Variants in GRIK1 observed in about 807,000 individuals in gnomAD.
The protein encoded by GRIK1 is glutamate receptor ionotropic, kainate 1.
In GRIK1, 69 loss-of-function variants were observed where a neutral mutation model predicts 105.7. That is an observed-to-expected ratio of 0.65 (90% CI 0.54 to 0.80). GRIK1 has a LOEUF of 0.80. Among genes scored for constraint, GRIK1 ranks in the 30% least tolerant of loss-of-function variants. GRIK1 has a pLI of 0.00. For missense variants in GRIK1, 1,109 were observed against 1,167.3 expected (o/e 0.95, Z 0.73); for synonymous variants, 438 against 431.3 (o/e 1.02, Z -0.19).
At chr21:29,886,128 A>G (rs1025480403) in intron 1 of GRIK1, among the ~76,000 whole-genome samples, 4 of 152,152 alleles carry the variant, frequency 2.6e-5, no homozygotes, top group Non-Finnish European at 5.9e-5. Context: ...CAAGAGTCAA[A>G]TGGATGCTGG....
chr21:29,623,117 C>G (rs1400775593), intron 7 of GRIK1, among the ~76,000 whole-genome samples: 1 of 152,148 alleles, frequency 6.6e-6, no homozygotes, highest in East Asian at 1.9e-4. Flanking sequence ...GTTTAATGGT[C>G]TCGCAGTTCC....
chr21:29,555,182 T>C lies in GRIK1; in HGVS notation c.2477A>G (p.Glu826Gly). The C allele has an allele frequency of 6.2e-7, 1 of 1,613,978 alleles. No individual in the cohort carries two copies. The highest frequency in any genetic ancestry group is 8.5e-7 in the Non-Finnish European group (1 of 1,179,930). Residue 826 changes from glutamate to glycine, a missense_variant, in exon 16 of 18, where the codon GAA (glutamate) becomes GGA (glycine). Coordinates refer to ENST00000327783, the MANE Select transcript of GRIK1 (RefSeq NM_001330994.2). ...ATTTTCCACTCCCAGGGCACTGGCT[T>C]CTTTGTTGTCTTCCTCGGGGCAGCC... ...GNGCPEEDNKEASALGVENIG... is the reference protein window; with the variant it reads ...GNGCPEEDNKGASALGVENIG...
At chr21:29,810,112 A>G (rs2066971723) in intron 1 of GRIK1, among the ~76,000 whole-genome samples, 1 of 152,100 alleles carries the variant, frequency 6.6e-6, no homozygotes, top group African/African-American at 2.4e-5. Context: ...AGTATTGCCA[A>G]CATGGTGAAA....
intron 9 of GRIK1, among the ~76,000 whole-genome samples, chr21:29,592,962 G>A (rs1443404446): frequency 6.6e-6 from 1 of 152,148 alleles, no homozygotes; most frequent in Non-Finnish European, 1.5e-5. Flanking sequence ...AAGACAGACA[G>A]GAGTGTTAGG....
chr21:29,772,291 C>T (rs1311353884), intron 1 of GRIK1, among the ~76,000 whole-genome samples: 2 of 152,118 alleles, frequency 1.3e-5, no homozygotes, highest in Non-Finnish European at 2.9e-5. Flanking sequence ...GAAGTGTTTG[C>T]TGCCCTTTTT....
At chr21:29,855,313 A>C (rs1256968788) in intron 1 of GRIK1, among the ~76,000 whole-genome samples, 1 of 152,238 alleles carries the variant, frequency 6.6e-6, no homozygotes, top group Non-Finnish European at 1.5e-5. Flanking sequence ...GTCTATAGAG[A>C]CAATTAAAAT....
intron 1 of GRIK1, among the ~76,000 whole-genome samples, chr21:29,794,765 A>C (rs1372799221): frequency 6.6e-6 from 1 of 152,172 alleles, no homozygotes; most frequent in Non-Finnish European, 1.5e-5. Flanking sequence ...GGAAATAGAA[A>C]TATGTCTCTG....
chr21:29,585,688 C>G (rs1031366234), intron 12 of GRIK1, among the ~76,000 whole-genome samples: 6 of 152,136 alleles, frequency 3.9e-5, no homozygotes, highest in African/African-American at 1.4e-4. Flanking sequence ...AGGTATGCAA[C>G]AAGTAAACAC....
At chr21:29,588,805 T>A (rs2061286954) in intron 11 of GRIK1, 34 bp downstream of exon 11, 9 of 1,102,012 alleles carry the variant, frequency 8.2e-6, no homozygotes, top group Non-Finnish European at 1.1e-5. Flanking sequence ...CTCTTATGCA[T>A]ATTTTCAGAT....
chr21:29,648,415 T>C (rs1455193428), intron 6 of GRIK1, among the ~76,000 whole-genome samples: 1 of 152,228 alleles, frequency 6.6e-6, no homozygotes, highest in African/African-American at 2.4e-5. Context: ...ATATATCTTG[T>C]TTATAGGAAC....
At chr21:29,762,727 C>T (rs1436737143) in intron 1 of GRIK1, among the ~76,000 whole-genome samples, 1 of 150,858 alleles carries the variant, frequency 6.6e-6, no homozygotes, top group African/African-American at 2.5e-5. Context: ...AAATTGGGAG[C>T]CTCTACAAAG....
chr21:29,650,167 C>T (rs945188475), intron 6 of GRIK1, among the ~76,000 whole-genome samples: 1 of 152,156 alleles, frequency 6.6e-6, no homozygotes, highest in African/African-American at 2.4e-5. Context: ...AACATAGAAT[C>T]ATCCAGAACC....
intron 1 of GRIK1, among the ~76,000 whole-genome samples, chr21:29,708,535 C>G (rs545085165): frequency 6.6e-6 from 1 of 152,190 alleles, no homozygotes; most frequent in Non-Finnish European, 1.5e-5. Flanking sequence ...GGAATACATG[C>G]GTGGATTGTA....
chr21:29,550,065 G>A (rs1427876947), intron 16 of GRIK1, among the ~76,000 whole-genome samples: 5 of 133,592 alleles, frequency 3.7e-5, no homozygotes, highest in African/African-American at 1.4e-4. Flanking sequence ...CCAAGATGGC[G>A]TGACTGCACT....
chr21:29,617,662 A>C (rs1215637466), intron 7 of GRIK1, among the ~76,000 whole-genome samples: 1 of 152,230 alleles, frequency 6.6e-6, no homozygotes, highest in Non-Finnish European at 1.5e-5. Flanking sequence ...ATTCATTAGC[A>C]TAGGGAATAG....
At chr21:29,918,320 T>C (rs1237557864) in intron 1 of GRIK1, among the ~76,000 whole-genome samples, 1 of 152,110 alleles carries the variant, frequency 6.6e-6, no homozygotes, top group East Asian at 1.9e-4. Flanking sequence ...ACTAATCGCT[T>C]TTCATATACA....
At chr21:29,932,988 A>G (rs2071625036) in intron 1 of GRIK1, among the ~76,000 whole-genome samples, 1 of 151,978 alleles carries the variant, frequency 6.6e-6, no homozygotes. Flanking sequence ...AAAATGGTAA[A>G]CCTTTAGAAT....
intron 1 of GRIK1, among the ~76,000 whole-genome samples, chr21:29,825,837 T>C (rs73360370): frequency 0.018 from 2,668 of 152,222 alleles, 80 homozygotes; most frequent in African/African-American, 0.062. Context: ...TGGATCACGA[T>C]GATTGTTTAG....
At chr21:29,684,486 C>G (rs1337635327) in intron 3 of GRIK1, among the ~76,000 whole-genome samples, 1 of 152,004 alleles carries the variant, frequency 6.6e-6, no homozygotes, top group Non-Finnish European at 1.5e-5. Flanking sequence ...GTTTTTGCCA[C>G]TACTTTTAAT....
Sources: allele counts gnomAD v4.1 joint callset (sites outside exome capture counted in the v4.1 genomes callset), GRCh38; gene constraint gnomAD v4.1.1; transcripts MANE v1.5; gene names NCBI Gene and HGNC (gene_info 2026-07-23, HGNC 2026-07-21).